Variants in SSBP3 observed in about 807,000 individuals in gnomAD.
SSBP3 encodes single stranded DNA binding protein 3.
In SSBP3, 5 loss-of-function variants were observed where a neutral mutation model predicts 69.6. That is an observed-to-expected ratio of 0.07 (90% confidence interval 0.04 to 0.15). SSBP3 has a LOEUF of 0.15. Ranked by LOEUF, SSBP3 falls within the 10% of genes least tolerant of loss-of-function variation. The probability of loss-of-function intolerance (pLI) is 1.00; values close to 1 mark genes in which losing one functional copy is unlikely to be tolerated. For missense variants in SSBP3, 312 were observed against 534.0 expected (o/e 0.58, Z 4.10); for synonymous variants, 196 against 193.4 (o/e 1.01, Z -0.11).
intron 4 of SSBP3, among the ~76,000 whole-genome samples, chr1:54,348,257 G>GT: frequency 8.1e-6 from 1 of 123,456 alleles, no homozygotes; most frequent in African/African-American, 3.0e-5. Flanking sequence ...CGGGGGGGGG[G>GT]GGGCGGGTGA....
intron 4 of SSBP3, among the ~76,000 whole-genome samples, chr1:54,348,096 G>T (rs1480741287): frequency 1.3e-5 from 2 of 152,086 alleles, no homozygotes; most frequent in East Asian, 3.9e-4. Flanking sequence ...ACACCATCCG[G>T]AGAGGTCAGA....
intron 9 of SSBP3, among the ~76,000 whole-genome samples, chr1:54,245,182 T>C (rs762611241): frequency 1.3e-5 from 2 of 152,252 alleles, no homozygotes; most frequent in Non-Finnish European, 2.9e-5. Context: ...CAGCCAGCAT[T>C]CACTGCCCTT....
At position 54,292,434 on chromosome 1, in the gene SSBP3, T is replaced by C. The variant is rs909352896; in HGVS notation, c.277-10907A>G. Among the ~76,000 whole-genome samples the C allele has an allele frequency of 5.8e-4, 88 of 152,192 alleles. 1 individual carries two copies. Among genetic ancestry groups the C allele is most frequent in the African/African-American group, 2.1e-3 (86 of 41,518 alleles). On this transcript the variant is annotated intron_variant, in intron 4 of 17. Transcript: ENST00000610401. ...TGACAGGGTGGGTGAGCCCCCAAGCTACAGGAAGGGATGAGAGTCCAGGCC... is the reference window on the plus strand; with the variant it reads ...TGACAGGGTGGGTGAGCCCCCAAGCCACAGGAAGGGATGAGAGTCCAGGCC...
intron 17 of SSBP3, among the ~76,000 whole-genome samples, chr1:54,227,869 T>C (rs946880247): frequency 2.6e-5 from 4 of 152,180 alleles, no homozygotes; most frequent in African/African-American, 2.4e-5. Flanking sequence ...AAGCCCACTA[T>C]AGAAAAGCAG....
At chr1:54,248,314 A>G (rs1356774179) in intron 9 of SSBP3, among the ~76,000 whole-genome samples, 2 of 152,106 alleles carry the variant, frequency 1.3e-5, no homozygotes, top group African/African-American at 2.4e-5. Context: ...GCTCCCTCCC[A>G]CAAGCTCAGG....
chr1:54,229,024 G>T (rs1229751144), intron 14 of SSBP3, among the ~76,000 whole-genome samples, 198 bp from the exon 15 acceptor site: 1 of 152,232 alleles, frequency 6.6e-6, no homozygotes, highest in African/African-American at 2.4e-5. Flanking sequence ...CAGGGCAGAG[G>T]TGCTCATTCC....
chr1:54,314,816 C>T (rs1646067036), intron 4 of SSBP3, among the ~76,000 whole-genome samples: 1 of 152,166 alleles, frequency 6.6e-6, no homozygotes, highest in Non-Finnish European at 1.5e-5. Flanking sequence ...GAGGAGGCTT[C>T]CAGTGTCCCC....
intron 4 of SSBP3, among the ~76,000 whole-genome samples, chr1:54,296,512 G>T (rs1645706294): frequency 6.6e-6 from 1 of 152,228 alleles, no homozygotes; most frequent in Non-Finnish European, 1.5e-5. Flanking sequence ...ACATAGTACA[G>T]GAAGGAGTCC....
At position 54,401,621 on chromosome 1, in the gene SSBP3, G is replaced by T. The variant is rs572614182; in HGVS notation, c.276+240C>A. Among the ~76,000 whole-genome samples, 9 of 151,124 alleles carry T rather than the reference G, an allele frequency of 6.0e-5. No homozygotes were observed. In the East Asian group the frequency reaches 1.4e-3, roughly 23 times the overall value. Reference sequence around the variant, plus strand: ...CCTGTACAACACCATTTAATTCTCCGGATAGATATCTACACAATTTTGCAC... The same window carrying T: ...CCTGTACAACACCATTTAATTCTCCTGATAGATATCTACACAATTTTGCAC... On this transcript the variant is annotated intron_variant, in intron 4 of 17. Transcript: ENST00000610401.
intron 5 of SSBP3, among the ~76,000 whole-genome samples, chr1:54,268,158 T>C (rs987073338): frequency 1.3e-5 from 2 of 152,214 alleles, no homozygotes; most frequent in Non-Finnish European, 2.9e-5. Flanking sequence ...GAGGAAGAGA[T>C]GGGCCCGGGA....
At chr1:54,319,768 A>G (rs1464163216) in intron 4 of SSBP3, among the ~76,000 whole-genome samples, 1 of 152,152 alleles carries the variant, frequency 6.6e-6, no homozygotes, top group Non-Finnish European at 1.5e-5. Context: ...AGAAAAAAAA[A>G]AGTCCTGAAG....
chr1:54,346,161 CAA>C (rs779933899), intron 4 of SSBP3, among the ~76,000 whole-genome samples: 5 of 132,426 alleles, frequency 3.8e-5, no homozygotes, highest in Admixed American at 7.7e-5. Context: ...GACTTCATCT[CAA>C]AAAAAAAAAA....
At chr1:54,394,874 T>C (rs1031866644) in intron 4 of SSBP3, among the ~76,000 whole-genome samples, 1 of 151,880 alleles carries the variant, frequency 6.6e-6, no homozygotes, top group Admixed American at 6.6e-5. Context: ...AGCTATTTTT[T>C]TTGTATTTTT....
chr1:54,379,952 C>A (rs1647487538), intron 4 of SSBP3, among the ~76,000 whole-genome samples: 1 of 152,142 alleles, frequency 6.6e-6, no homozygotes, highest in African/African-American at 2.4e-5. Context: ...TTTTTTGGGG[C>A]TGGGAAAGGG....
At chr1:54,252,009 A>G (rs1310433727) in intron 7 of SSBP3, 149 bp from the exon 8 acceptor site, 3 of 700,190 alleles carry the variant, frequency 4.3e-6, no homozygotes, top group Non-Finnish European at 7.6e-6. Context: ...CCAGTGGGAG[A>G]AGGTTACCCC....
intron 4 of SSBP3, among the ~76,000 whole-genome samples, chr1:54,361,975 C>T (rs549228761): frequency 2.0e-5 from 3 of 152,214 alleles, no homozygotes; most frequent in East Asian, 3.9e-4. Flanking sequence ...AGACTGGAGG[C>T]GTAATTTTAA....
At chr1:54,271,101 C>T (rs1245959725) in intron 5 of SSBP3, among the ~76,000 whole-genome samples, 1 of 152,180 alleles carries the variant, frequency 6.6e-6, no homozygotes, top group Non-Finnish European at 1.5e-5. Flanking sequence ...CCATTACTGA[C>T]ATGAATGTAG....
chr1:54,287,041 G>A (rs1275431527), intron 4 of SSBP3: 3 of 152,190 alleles, frequency 2.0e-5, no homozygotes, highest in Non-Finnish European at 2.9e-5. Flanking sequence ...CAATGGTCCA[G>A]GGGCATTCCC....
At chr1:54,301,109 T>C (rs1042165317) in intron 4 of SSBP3, among the ~76,000 whole-genome samples, 4 of 152,122 alleles carry the variant, frequency 2.6e-5, no homozygotes, top group African/African-American at 7.2e-5. Flanking sequence ...ACATCCCCAC[T>C]TGCTTGGGAA....
Sources: gnomAD v4.1 joint callset for allele counts (sites outside exome capture counted in the v4.1 genomes callset) on GRCh38, gnomAD v4.1.1 for gene constraint, MANE v1.5 for transcripts, NCBI Gene and HGNC (gene_info 2026-07-23, HGNC 2026-07-21) for gene names.